WNK1: variants seen among roughly 807,000 people sequenced by gnomAD.
WNK1 encodes serine/threonine-protein kinase WNK1.
Under a neutral mutation model 222.8 loss-of-function variants are expected in WNK1, and 38 were observed. The observed-to-expected ratio is 0.17, with a 90% CI of 0.13 to 0.22. WNK1 has a LOEUF of 0.22. Ranked by LOEUF, WNK1 falls within the 10% of genes least tolerant of loss-of-function variation. WNK1 has a pLI of 1.00. For missense variants in WNK1, 2,348 were observed against 2,918.4 expected (o/e 0.80, Z 4.50); for synonymous variants, 1,090 against 1,092.9 (o/e 1.00, Z 0.05).
intron 8 of WNK1, among the ~76,000 whole-genome samples, chr12:866,687 T>C (rs547441637): frequency 3.8e-4 from 57 of 151,926 alleles, no homozygotes; most frequent in African/African-American, 1.3e-3. Flanking sequence ...GTGTATATTG[T>C]TTGCATTTGG....
intron 9 of WNK1, among the ~76,000 whole-genome samples, chr12:871,562 GACAT>G (rs1302189841): frequency 1.3e-5 from 2 of 152,146 alleles, no homozygotes; most frequent in African/African-American, 4.8e-5. Flanking sequence ...CAATTTAGTA[GACAT>G]ACATTATTAC....
Position 789,044 on chromosome 12 carries a change from TAATG to T in WNK1, c.760-24595_760-24592del, listed in dbSNP as rs145898523. ...CATGCTTCCTTCAATTAAGGCATAA[TAATG>T]AAAGGACATACTGAGGCTACATTAC... On this transcript the variant is annotated intron_variant, in intron 1 of 27. Coordinates refer to ENST00000315939, the MANE Select transcript of WNK1 (RefSeq NM_018979.4). 2.8e-3 allele frequency among the ~76,000 whole-genome samples: 421 copies of T among 152,264 alleles called. 2 individuals are homozygous for T. Among genetic ancestry groups the T allele is most frequent in the African/African-American group, 9.6e-3 (400 of 41,550 alleles).
chr12:798,292 C>T (rs1276449328), intron 1 of WNK1, among the ~76,000 whole-genome samples: 3 of 151,738 alleles, frequency 2.0e-5, no homozygotes, highest in Admixed American at 2.0e-4. Context: ...CCCGGGTTCA[C>T]GCCATTCTCC....
intron 16 of WNK1, 26 bp from the exon 17 acceptor site, chr12:883,748 T>C (rs1315713385): frequency 1.2e-6 from 2 of 1,613,634 alleles, no homozygotes; most frequent in African/African-American, 2.7e-5. Flanking sequence ...TTTGAGAATG[T>C]ATTTAATCAC....
chr12:858,502 T>C (rs1423261026), intron 5 of WNK1, among the ~76,000 whole-genome samples: 1 of 152,144 alleles, frequency 6.6e-6, no homozygotes, highest in African/African-American at 2.4e-5. Context: ...TTTCAACTCT[T>C]GTTGGAGCAG....
intron 17 of WNK1, 100 bp downstream of exon 17, chr12:883,931 G>A: frequency 6.5e-7 from 1 of 1,527,970 alleles, no homozygotes; most frequent in South Asian, 1.1e-5. Context: ...AGGAGGCCGA[G>A]GCACGAGAAT....
intron 2 of WNK1, among the ~76,000 whole-genome samples, chr12:826,469 A>C (rs766041967): frequency 1.9e-4 from 29 of 152,316 alleles, no homozygotes; most frequent in South Asian, 6.2e-4. Flanking sequence ...ATAAAGAAGG[A>C]AACTCAAGTA....
intron 4 of WNK1, among the ~76,000 whole-genome samples, chr12:853,357 A>G (rs1038481680): frequency 6.6e-6 from 1 of 152,354 alleles, no homozygotes; most frequent in South Asian, 2.1e-4. Context: ...TAGGATTAAC[A>G]AGAGGATTAT....
chr12:834,719 A>G (rs1949048671), intron 4 of WNK1, among the ~76,000 whole-genome samples: 1 of 152,276 alleles, frequency 6.6e-6, no homozygotes, highest in South Asian at 2.1e-4. Context: ...AGCACAGTAG[A>G]TAGTACTGGT....
Position 826,202 on chromosome 12 carries a change from G to A in WNK1, c.933-840G>A, listed in dbSNP as rs1215171559. ...ACACCATCCAGAATGGTAGCCATTTGCCTCATGTGGCTGTTCAGCACGTGA... is the reference window on the plus strand; with the variant it reads ...ACACCATCCAGAATGGTAGCCATTTACCTCATGTGGCTGTTCAGCACGTGA... On this transcript the variant is annotated intron_variant, in intron 2 of 27. Transcript: ENST00000315939. 2.0e-5 allele frequency among the ~76,000 whole-genome samples: 3 copies of A among 152,324 alleles called. No homozygotes were observed. In the East Asian group the frequency reaches 5.8e-4, roughly 29 times the overall value.
intron 1 of WNK1, among the ~76,000 whole-genome samples, chr12:785,410 A>ACCCC (rs145783657): frequency 1.2e-5 from 1 of 84,204 alleles, no homozygotes; most frequent in Admixed American, 1.3e-4. Context: ...CCCCCCCCCC[A>ACCCC]CCCCCTCGAA....
At chr12:861,460 A>T in intron 7 of WNK1, 117 bp downstream of exon 7, 1 of 915,758 alleles carries the variant, frequency 1.1e-6, no homozygotes, top group Non-Finnish European at 1.7e-6. Flanking sequence ...CTATTATACA[A>T]AATTTGAAAT....
chr12:847,832 T>C (rs906723241), intron 4 of WNK1, among the ~76,000 whole-genome samples: 1 of 134,956 alleles, frequency 7.4e-6, no homozygotes, highest in African/African-American at 2.9e-5. Context: ...TTTTGAGATA[T>C]AGTCTCACTC....
intron 8 of WNK1, chr12:868,376 G>T: frequency 6.2e-7 from 1 of 1,613,940 alleles, no homozygotes; most frequent in Non-Finnish European, 8.5e-7. Flanking sequence ...ACAGATACCT[G>T]AACAGAAGCC....
intron 1 of WNK1, among the ~76,000 whole-genome samples, chr12:781,863 C>G (rs902026305): frequency 7.9e-5 from 12 of 151,950 alleles, no homozygotes; most frequent in African/African-American, 2.9e-4. Context: ...TTCTCTAGTT[C>G]TGTCAGATTT....
chr12:871,506 T>C (rs1426126757), intron 9 of WNK1, among the ~76,000 whole-genome samples, 158 bp downstream of exon 9: 2 of 152,228 alleles, frequency 1.3e-5, no homozygotes, highest in Non-Finnish European at 2.9e-5. Flanking sequence ...AAAAAGAGAC[T>C]TTTCTGTGTT....
chr12:825,780 T>C (rs1024607064), intron 2 of WNK1, among the ~76,000 whole-genome samples: 1 of 152,226 alleles, frequency 6.6e-6, no homozygotes, highest in African/African-American at 2.4e-5. Flanking sequence ...AAGCATATCA[T>C]ATATATCACA....
chr12:881,171 T>G (rs751740892), intron 12 of WNK1, among the ~76,000 whole-genome samples, 172 bp downstream of exon 12: 13 of 152,226 alleles, frequency 8.5e-5, no homozygotes, highest in African/African-American at 2.2e-4. Context: ...TGTGGGGTCC[T>G]TGTTTCCACT....
At chr12:765,917 TA>T (rs1289435859) in intron 1 of WNK1, among the ~76,000 whole-genome samples, 1 of 152,216 alleles carries the variant, frequency 6.6e-6, no homozygotes, top group African/African-American at 2.4e-5. Flanking sequence ...AAAAAATAGT[TA>T]TTTTTTGGGA....
Sources: gnomAD v4.1 joint callset for allele counts (sites outside exome capture counted in the v4.1 genomes callset) on GRCh38, gnomAD v4.1.1 for gene constraint, MANE v1.5 for transcripts, NCBI Gene and HGNC (gene_info 2026-07-23, HGNC 2026-07-21) for gene names.